C10orf90: variants seen among roughly 807,000 people sequenced by gnomAD.
C10orf90 encodes (E2-independent) E3 ubiquitin-conjugating enzyme FATS.
A neutral mutation model predicts 62.5 loss-of-function variants in C10orf90; 56 were observed. The observed-to-expected ratio is 0.90, with a 90% CI of 0.72 to 1.12. The LOEUF (loss-of-function observed/expected upper bound fraction) is 1.12, where lower values mean the gene tolerates loss of function less well. Ranked by LOEUF, C10orf90 falls within the 50% of genes most tolerant of loss-of-function variation. The pLI is 0.00. For missense variants in C10orf90, 970 were observed against 880.4 expected (o/e 1.10, Z -1.29); for synonymous variants, 386 against 340.4 (o/e 1.13, Z -1.47).
At chr10:126,519,752 A>C (rs988121826) in intron 2 of C10orf90, among the ~76,000 whole-genome samples, 2 of 152,146 alleles carry the variant, frequency 1.3e-5, no homozygotes, top group African/African-American at 4.8e-5. Context: ...CCTGTCTTCA[A>C]CTTCTGGTCT....
chr10:126,484,858 A>G (rs1342131420), intron 4 of C10orf90, among the ~76,000 whole-genome samples: 1 of 152,236 alleles, frequency 6.6e-6, no homozygotes, highest in Non-Finnish European at 1.5e-5. Context: ...ATATCATCAT[A>G]TGATCTGAAT....
chr10:126,560,147 C>T (rs1033006258), intron 2 of C10orf90, among the ~76,000 whole-genome samples: 3 of 152,170 alleles, frequency 2.0e-5, no homozygotes, highest in African/African-American at 7.2e-5. Flanking sequence ...CAACAAATCT[C>T]ACTAGACAGT....
At chr10:126,546,943 G>A (rs182273672) in intron 2 of C10orf90, among the ~76,000 whole-genome samples, 34 of 152,152 alleles carry the variant, frequency 2.2e-4, no homozygotes, top group African/African-American at 5.5e-4. Context: ...TGCCCAACAC[G>A]GCAAAACCCC....
At chr10:126,436,281 T>C (rs1337878999) in intron 7 of C10orf90, among the ~76,000 whole-genome samples, 1 of 152,186 alleles carries the variant, frequency 6.6e-6, no homozygotes, top group Non-Finnish European at 1.5e-5. Context: ...GCTGACAAAG[T>C]GGTACAGACT....
intron 2 of C10orf90, among the ~76,000 whole-genome samples, chr10:126,528,594 A>G (rs1196715334): frequency 6.6e-6 from 1 of 152,194 alleles, no homozygotes; most frequent in African/African-American, 2.4e-5. Flanking sequence ...CAGTGGCAAT[A>G]CCCAGCTGGA....
At chr10:126,516,515 A>T (rs991691131) in intron 2 of C10orf90, among the ~76,000 whole-genome samples, 12 of 152,240 alleles carry the variant, frequency 7.9e-5, no homozygotes, top group African/African-American at 2.4e-4. Context: ...CAATGAGGGT[A>T]TCCACTTCAG....
At chr10:126,534,065 G>A (rs1864171509) in intron 2 of C10orf90, among the ~76,000 whole-genome samples, 1 of 152,164 alleles carries the variant, frequency 6.6e-6, no homozygotes, top group Non-Finnish European at 1.5e-5. Context: ...TTATGAGAAG[G>A]AGGAATCTGC....
intron 3 of C10orf90, among the ~76,000 whole-genome samples, chr10:126,508,353 A>G (rs1464667209): frequency 2.8e-5 from 3 of 106,180 alleles, no homozygotes; most frequent in African/African-American, 1.2e-4. Flanking sequence ...GGTGGGAAAG[A>G]TGCCGGCCTA....
intron 2 of C10orf90, among the ~76,000 whole-genome samples, chr10:126,605,271 G>T (rs1431192398): frequency 6.6e-6 from 1 of 151,390 alleles, no homozygotes; most frequent in Non-Finnish European, 1.5e-5. Flanking sequence ...AAAGATGGAA[G>T]CAGGAAGGGA....
chr10:126,565,035 A>C (rs1435424282), intron 2 of C10orf90, among the ~76,000 whole-genome samples: 2 of 18,014 alleles, frequency 1.1e-4, no homozygotes, highest in African/African-American at 4.2e-4. Flanking sequence ...ATATTATATA[A>C]AATATATAAT....
intron 2 of C10orf90, among the ~76,000 whole-genome samples, chr10:126,563,196 A>C (rs1864942316): frequency 6.6e-6 from 1 of 152,194 alleles, no homozygotes; most frequent in Non-Finnish European, 1.5e-5. Context: ...CTTGGGCCCC[A>C]AGAGGGGAGT....
chr10:126,571,667 G>A (rs1050737438), intron 2 of C10orf90, among the ~76,000 whole-genome samples: 2 of 152,152 alleles, frequency 1.3e-5, no homozygotes, highest in Non-Finnish European at 2.9e-5. Context: ...GGGACCTGGG[G>A]CACTGGGTGG....
At chr10:126,633,180 G>A (rs73370834) in intron 2 of C10orf90, among the ~76,000 whole-genome samples, 63 of 152,282 alleles carry the variant, frequency 4.1e-4, no homozygotes, top group African/African-American at 1.5e-3. Flanking sequence ...GGTTCTGCAG[G>A]CATTTTCCAT....
chr10:126,539,760 T>C (rs1315479265), intron 2 of C10orf90, among the ~76,000 whole-genome samples: 1 of 152,254 alleles, frequency 6.6e-6, no homozygotes, highest in Admixed American at 6.5e-5. Flanking sequence ...ATACGTTGCA[T>C]GACTTGTGAA....
rs190639962 is a variant in C10orf90 at position 126,623,374 on chromosome 10, C to G, written c.313+23191G>C. ...CAAATTTCGGCATATCTCACTTCCT[C>G]CCATTCCTCAGGTCTCTCAACATTA... On this transcript the variant is annotated intron_variant, in intron 2 of 9. Transcript: ENST00000488181. 3.0e-4 allele frequency among the ~76,000 whole-genome samples: 45 copies of G among 152,282 alleles called. 1 individual carries two copies. In the East Asian group the frequency reaches 8.1e-3, roughly 28 times the overall value.
chr10:126,544,033 G>C (rs1414944756), intron 2 of C10orf90, among the ~76,000 whole-genome samples: 1 of 152,210 alleles, frequency 6.6e-6, no homozygotes, highest in African/African-American at 2.4e-5. Context: ...GCTGCTGGAA[G>C]CACAGGTCCG....
rs986698454 is a variant in C10orf90 at position 126,620,194 on chromosome 10, C to A, written c.313+26371G>T. On this transcript the variant is annotated intron_variant, in intron 2 of 9. Transcript: ENST00000488181. ...TCTTATGTTTTTCCCATTCCACAAT[C>A]ATGAAAATATTTTTCCATGCCATCT... is the stretch of plus-strand genomic sequence containing the variant. 1.1e-4 allele frequency among the ~76,000 whole-genome samples: 16 copies of A among 152,286 alleles called. 1 individual carries two copies. Among genetic ancestry groups the A allele is most frequent in the African/African-American group, 3.6e-4 (15 of 41,548 alleles).
At chr10:126,440,290 T>G (rs1858222172) in intron 7 of C10orf90, among the ~76,000 whole-genome samples, 1 of 152,098 alleles carries the variant, frequency 6.6e-6, no homozygotes, top group Admixed American at 6.6e-5. Flanking sequence ...CCTGACAACC[T>G]GCATGACTCA....
At chr10:126,565,245 AT>A (rs1564874254) in intron 2 of C10orf90, among the ~76,000 whole-genome samples, 7 of 40,766 alleles carry the variant, frequency 1.7e-4, no homozygotes, top group African/African-American at 6.1e-4. Context: ...GTAATATAAT[AT>A]TTATTATATT....
Sources: allele counts gnomAD v4.1 joint callset (sites outside exome capture counted in the v4.1 genomes callset), GRCh38; gene constraint gnomAD v4.1.1; transcripts MANE v1.5; gene names NCBI Gene and HGNC (gene_info 2026-07-23, HGNC 2026-07-21).